The following MCM8 variants were observed in gnomAD, a reference collection of about 807,000 sequenced individuals.
The protein encoded by MCM8 is DNA helicase MCM8.
A neutral mutation model predicts 98.9 loss-of-function variants in MCM8; 85 were observed. The observed-to-expected ratio is 0.86, with a 90% CI of 0.72 to 1.03. MCM8 has a LOEUF of 1.03. MCM8 is among the 50% of genes least tolerant of loss of function. MCM8 has a pLI of 0.00. For synonymous variants in MCM8, 352 were observed against 338.6 expected, an observed-to-expected ratio of 1.04 and a Z score of -0.44; for missense variants, 951 against 997.8, an observed-to-expected ratio of 0.95 and a Z score of 0.63.
intron 12 of MCM8, among the ~76,000 whole-genome samples, chr20:5,976,327 G>A (rs1269214517): frequency 6.6e-6 from 1 of 152,172 alleles, no homozygotes; most frequent in Non-Finnish European, 1.5e-5. Flanking sequence ...GGGAAGCTGA[G>A]GTTGTTGTAA....
chr20:5,967,029 C>T (rs2089289758), intron 8 of MCM8, among the ~76,000 whole-genome samples: 1 of 152,236 alleles, frequency 6.6e-6, no homozygotes, highest in African/African-American at 2.4e-5. Flanking sequence ...AACTTGGAAG[C>T]TTCTCTGGGG....
chr20:5,958,756 T>C (rs753649324), intron 7 of MCM8, 30 bp downstream of exon 7: 5 of 1,585,100 alleles, frequency 3.2e-6, no homozygotes, highest in South Asian at 1.1e-5. Context: ...CTTCTTTATT[T>C]ATCTTGGTAA....
In MCM8 at chr20:5,978,096, T is replaced by C. The variant is rs2089551889; in HGVS notation, c.1537+79T>C. 37 of 1,541,964 alleles carry C rather than the reference T, an allele frequency of 2.4e-5. 1 individual carries two copies. In the South Asian group the frequency reaches 4.0e-4, roughly 17 times the overall value. On this transcript the variant is annotated intron_variant, in intron 13 of 18. Transcript: ENST00000610722. ...TCCTTTTCAGTTAATTTCTTTACAT[T>C]CTGTTTAAGAGAAACATTTAGATAG...
chr20:5,994,734 T>TA lies in MCM8; in HGVS notation c.*361dup, dbSNP rs11422423. 0.49 allele frequency: 197,238 copies of TA among 403,902 alleles called. 28,309 individuals are homozygous for TA. The highest frequency in any genetic ancestry group is 0.6 in the African/African-American group (26,717 of 44,444). 25.0% of individuals were successfully genotyped at this position (403,902 alleles called of 1,614,324 possible). On this transcript the variant is annotated 3_prime_UTR_variant, in exon 19 of 19. Transcript: ENST00000610722. ...GGCAACATAGCAAGACCCCATTTCT[T>TA]AAAAAAAAAAAAAAAAAATTTAAAC...
In MCM8 at chr20:5,984,827, T is replaced by G; in HGVS notation, c.1780T>G (p.Leu594Val). The G allele has an allele frequency of 6.2e-7, 1 of 1,614,090 alleles. No individual in the cohort carries two copies. Among genetic ancestry groups the G allele is most frequent in the Non-Finnish European group, 8.5e-7 (1 of 1,179,938 alleles). The change falls in exon 15 of 19, where the codon TTA becomes GTA. Residue 594 changes from leucine (L) to valine (V), a missense_variant. Leu to Val is a conservative substitution (Grantham distance 32, BLOSUM62 1). Coordinates refer to ENST00000610722, the MANE Select transcript of MCM8 (RefSeq NM_032485.6). ...LSRFDLVFIL[L>V]DTPNEHHDHL... ...CAGATTTGATTTGGTCTTTATCCTG[T>G]TAGATACTCCAAATGAGCATCATGA...
chr20:5,963,956 GA>G (rs2089215928), intron 8 of MCM8, among the ~76,000 whole-genome samples: 1 of 152,176 alleles, frequency 6.6e-6, no homozygotes, highest in Admixed American at 6.5e-5. Context: ...AATTGAACTG[GA>G]TATAGGCCAT....
At chr20:5,993,879 C>A in intron 18 of MCM8, 184 bp downstream of exon 18, 1 of 494,018 alleles carries the variant, frequency 2.0e-6, no homozygotes, top group Non-Finnish European at 3.5e-6. Flanking sequence ...CTGACTGTCT[C>A]TTGTGGATAT....
Position 5,967,636 on chromosome 20 carries a change from A to G in MCM8, c.1027+49A>G, listed in dbSNP as rs564314780. 1.1e-5 allele frequency: 17 copies of G among 1,557,400 alleles called. No homozygotes were observed. In the Middle Eastern group the frequency reaches 5.1e-4, roughly 47 times the overall value. ...TTTGTCTCTCAATAATGATTCATCA[A>G]CGTTCATCTTTTCTAAGATGCTCCT... On this transcript the variant is annotated intron_variant, in intron 9 of 18. Transcript: ENST00000610722.
At position 5,950,733 on chromosome 20, in the gene MCM8, C is replaced by T. The variant is rs1055248694; in HGVS notation, c.-296C>T. 44 of 233,928 alleles carry T rather than the reference C, an allele frequency of 1.9e-4. No homozygotes were observed. Among genetic ancestry groups the T allele is most frequent in the Middle Eastern group, 1.4e-3 (1 of 696 alleles). 14.5% of individuals were successfully genotyped at this position (233,928 alleles called of 1,614,324 possible). ...ATTTTCGCTTGAGGCATTTTTGCGG[C>T]GCTGTGCGCTACAGACACCTTCTGG... On this transcript the variant is annotated 5_prime_UTR_variant, in exon 1 of 19. Coordinates refer to ENST00000610722, the MANE Select transcript of MCM8 (RefSeq NM_032485.6).
At position 5,993,533 on chromosome 20, in the gene MCM8, T is replaced by C. The variant is rs369848203; in HGVS notation, c.2268T>C (p.Phe756=). ...TGCTAGGAACTTACTCTGATGAATTTGGGAACCTAGATTTTGAGCGATCCC... is the reference window on the plus strand; with the variant it reads ...TGCTAGGAACTTACTCTGATGAATTCGGGAACCTAGATTTTGAGCGATCCC... ...YSMLGTYSDE[F]GNLDFERSQH... is the part of the protein sequence containing the mutation. The change falls in exon 18 of 19, where the codon TTT becomes TTC. Residue 756 remains phenylalanine, a synonymous_variant. Coordinates refer to ENST00000610722, the MANE Select transcript of MCM8 (RefSeq NM_032485.6). The C allele has an allele frequency of 6.3e-7, 1 of 1,577,254 alleles. No homozygotes were observed. Among genetic ancestry groups the C allele is most frequent in the Admixed American group, 1.7e-5 (1 of 58,026 alleles).
In MCM8 at chr20:5,957,123, T is replaced by C; in HGVS notation, c.487-3T>C. On this transcript the variant is annotated splice_polypyrimidine_tract_variant and splice_region_variant and intron_variant, in intron 5 of 18. Coordinates refer to ENST00000610722, the MANE Select transcript of MCM8 (RefSeq NM_032485.6). The stretch of plus-strand genomic sequence containing the variant: ...CTTCAGAGTAAATGTCTGTCCTGTT[T>C]AGGTGTTAACTAAGGACCTTGAAAG... 1.9e-6 allele frequency: 3 copies of C among 1,606,988 alleles called. No individual in the cohort carries two copies. The highest frequency in any genetic ancestry group is 1.1e-5 in the South Asian group (1 of 90,758).
chr20:5,966,228 G>A (rs963287990), intron 8 of MCM8, among the ~76,000 whole-genome samples: 1 of 152,056 alleles, frequency 6.6e-6, no homozygotes, highest in Non-Finnish European at 1.5e-5. Flanking sequence ...AACAGTGAAA[G>A]TGTATCTAGT....
At chr20:5,985,614 T>G (rs950337255) in intron 15 of MCM8, among the ~76,000 whole-genome samples, 5 of 151,500 alleles carry the variant, frequency 3.3e-5, no homozygotes, top group Admixed American at 6.6e-5. Flanking sequence ...GGTGTGATCT[T>G]GGCTCACTGC....
chr20:5,990,730 CA>C (rs1310774884), intron 17 of MCM8, among the ~76,000 whole-genome samples: 9 of 152,202 alleles, frequency 5.9e-5, no homozygotes, highest in African/African-American at 2.2e-4. Flanking sequence ...AGTCACAACC[CA>C]ACCAAAATTT....
rs764681534 is a variant in MCM8 at position 5,977,860 on chromosome 20, CT to C, written c.1396-11del. The C allele has an allele frequency of 6.2e-7, 1 of 1,611,758 alleles. No homozygotes were observed. Among genetic ancestry groups the C allele is most frequent in the East Asian group, 2.2e-5 (1 of 44,840 alleles). The stretch of plus-strand genomic sequence containing the variant: ...TTTTACTTTGGATGATTCTCTTAAA[CT>C]TTTTGTTTCCTTAGGCAGCGTGCAA... On this transcript the variant is annotated splice_polypyrimidine_tract_variant and intron_variant, in intron 12 of 18. Coordinates refer to ENST00000610722, the MANE Select transcript of MCM8 (RefSeq NM_032485.6).
intron 5 of MCM8, 43 bp downstream of exon 5, chr20:5,955,294 A>G (rs1396674990): frequency 1.3e-6 from 2 of 1,571,478 alleles, no homozygotes; most frequent in African/African-American, 1.4e-5. Flanking sequence ...AACTTTTTTA[A>G]TGTTTGCACA....
Position 5,986,076 on chromosome 20 carries a change from T to TA in MCM8, c.2111dup (p.Asn704LysfsTer2). 4 of 1,614,222 alleles carry TA rather than the reference T, an allele frequency of 2.5e-6. No homozygotes were observed. The highest frequency in any genetic ancestry group is 3.4e-6 in the Non-Finnish European group (4 of 1,180,038). On this transcript the variant is annotated frameshift_variant, in exon 16 of 19. Transcript: ENST00000610722. LOFTEE classifies it high-confidence loss of function. ...GAGCTCCGGAAACAGAGCCAGAGGT[T>TA]AAATAGCTCACCAATCACTACCAGG...
Position 5,993,538 on chromosome 20 carries a change from A to C in MCM8, c.2273A>C (p.Asn758Thr). The change falls in exon 18 of 19, where the codon AAC becomes ACC. Residue 758 changes from asparagine to threonine, a missense_variant. Coordinates refer to ENST00000610722, the MANE Select transcript of MCM8 (RefSeq NM_032485.6). ...MLGTYSDEFG[N>T]LDFERSQHGS... is the part of the protein sequence containing the mutation. The stretch of plus-strand genomic sequence containing the variant: ...GGAACTTACTCTGATGAATTTGGGA[A>C]CCTAGATTTTGAGCGATCCCAGCAT... 6.3e-7 allele frequency: 1 copy of C among 1,578,470 alleles called. No individual in the cohort carries two copies. Among genetic ancestry groups the C allele is most frequent in the South Asian group, 1.2e-5 (1 of 84,816 alleles).
chr20:5,975,077 A>AGT (rs2089480268), intron 12 of MCM8, among the ~76,000 whole-genome samples: 1 of 152,130 alleles, frequency 6.6e-6, no homozygotes, highest in South Asian at 2.1e-4. Context: ...TGTGCAACAA[A>AGT]GTGAGACCCT....
Sources: gnomAD v4.1 joint callset for allele counts (sites outside exome capture counted in the v4.1 genomes callset) on GRCh38, gnomAD v4.1.1 for gene constraint, MANE v1.5 for transcripts, NCBI Gene and HGNC (gene_info 2026-07-23, HGNC 2026-07-21) for gene names.